Variants in DPP10 observed in about 807,000 individuals in gnomAD.
DPP10 encodes the protein dipeptidyl peptidase like 10, also known as inactive dipeptidyl peptidase 10.
Under a neutral mutation model 120.9 loss-of-function variants are expected in DPP10, and 33 were observed. The observed-to-expected ratio is 0.27, with a 90% CI of 0.21 to 0.37. The LOEUF (loss-of-function observed/expected upper bound fraction) is 0.37. DPP10 is among the 10% of genes least tolerant of loss of function. DPP10 has a pLI of 1.00. For missense variants in DPP10, 816 were observed against 942.8 expected, an observed-to-expected ratio of 0.87 and a Z score of 1.76; for synonymous variants, 337 against 326.1, an observed-to-expected ratio of 1.03 and a Z score of -0.36.
chr2:114,497,326 T>TGTATACATGTACATGTATACGC (rs1558814249), intron 1 of DPP10, among the ~76,000 whole-genome samples: 3 of 21,746 alleles, frequency 1.4e-4, no homozygotes, highest in Non-Finnish European at 4.0e-4. Context: ...CATGTATACG[T>TGTATACATGTACATGTATACGC]GTATACATGT....
chr2:115,125,305 T>A (rs1172456230), intron 1 of DPP10, among the ~76,000 whole-genome samples: 2 of 152,176 alleles, frequency 1.3e-5, no homozygotes, highest in African/African-American at 4.8e-5. Flanking sequence ...TGTATATTTT[T>A]AAAGATTTCT....
chr2:115,026,790 G>C (rs1392995335), intron 1 of DPP10, among the ~76,000 whole-genome samples: 1 of 152,108 alleles, frequency 6.6e-6, no homozygotes, highest in Non-Finnish European at 1.5e-5. Flanking sequence ...TCCCACCTCT[G>C]CCTCCCAAAT....
At chr2:115,786,449 A>AT (rs1023967042) in intron 17 of DPP10, among the ~76,000 whole-genome samples, 2 of 151,672 alleles carry the variant, frequency 1.3e-5, no homozygotes, top group East Asian at 1.9e-4. Flanking sequence ...ATTTTATTTT[A>AT]TTTTTTTTCT....
intron 2 of DPP10, among the ~76,000 whole-genome samples, chr2:115,322,743 G>C (rs1045716156): frequency 1.3e-5 from 2 of 152,106 alleles, no homozygotes; most frequent in Admixed American, 6.5e-5. Flanking sequence ...TTCCAATAAA[G>C]CAAATCATAC....
Position 114,516,344 on chromosome 2 carries a change from C to CT in DPP10, c.60+73512dup, listed in dbSNP as rs1404487441. Among the ~76,000 whole-genome samples the CT allele has an allele frequency of 7.9e-5, 12 of 152,280 alleles. No individual in the cohort carries two copies. The East Asian group carries it at 1.5e-3, about 20-fold the overall frequency. ...AGTCAGAGAGTAAGATTCATTAAGG[C>CT]TTTTTTCCATCCCCCTGCAAAGTCC... is the stretch of plus-strand genomic sequence containing the variant. On this transcript the variant is annotated intron_variant, in intron 1 of 25. Coordinates refer to ENST00000410059, the MANE Select transcript of DPP10 (RefSeq NM_020868.6).
chr2:114,857,528 G>A (rs1689467010), intron 1 of DPP10, among the ~76,000 whole-genome samples: 1 of 152,104 alleles, frequency 6.6e-6, no homozygotes, highest in Non-Finnish European at 1.5e-5. Flanking sequence ...TTCCCTTTGT[G>A]GATGTTGGCT....
chr2:115,536,548 A>T (rs2078856010), intron 5 of DPP10, among the ~76,000 whole-genome samples: 1 of 152,018 alleles, frequency 6.6e-6, no homozygotes, highest in African/African-American at 2.4e-5. Flanking sequence ...TTTTACATTA[A>T]TTAGTGTTCT....
intron 11 of DPP10, among the ~76,000 whole-genome samples, chr2:115,756,913 G>T (rs573698023): frequency 6.6e-6 from 1 of 152,166 alleles, no homozygotes; most frequent in South Asian, 2.1e-4. Context: ...GGCTGAACTC[G>T]TCCTTTTATA....
intron 1 of DPP10, among the ~76,000 whole-genome samples, chr2:114,861,109 C>T (rs1265788519): frequency 6.6e-6 from 1 of 152,116 alleles, no homozygotes; most frequent in Non-Finnish European, 1.5e-5. Context: ...TACTGTATTA[C>T]AAAACAAAAA....
chr2:114,947,024 T>G (rs998095792), intron 1 of DPP10, among the ~76,000 whole-genome samples: 5 of 152,178 alleles, frequency 3.3e-5, no homozygotes, highest in Admixed American at 1.3e-4. Context: ...TAAGTGGTAC[T>G]TTCAAGAAAT....
Position 115,617,289 on chromosome 2 carries a change from T to TATATATATATATATACAC in DPP10, c.442-72397_442-72396insTATATATATATATACACA, listed in dbSNP as rs67359999. ...TATATTTTTTATATATATATATATA[T>TATATATATATATATACAC]ACACACATAGCATATATGTATATGC... On this transcript the variant is annotated intron_variant, in intron 5 of 25. Transcript: ENST00000410059. Among the ~76,000 whole-genome samples the TATATATATATATATACAC allele has an allele frequency of 2.9e-5, 4 of 136,530 alleles. No homozygotes were observed. The South Asian group carries it at 7.1e-4, about 24-fold the overall frequency. The allele number at this position is 136,530 out of a possible 152,430, so 89.6% of individuals were successfully genotyped here.
At chr2:114,538,918 C>T (rs1686729183) in intron 1 of DPP10, among the ~76,000 whole-genome samples, 1 of 152,086 alleles carries the variant, frequency 6.6e-6, no homozygotes, top group East Asian at 1.9e-4. Flanking sequence ...CGCTTTTTCT[C>T]ATAGCCCCTT....
intron 21 of DPP10, among the ~76,000 whole-genome samples, chr2:115,816,387 G>A (rs1687229175): frequency 6.6e-6 from 1 of 152,102 alleles, no homozygotes. Context: ...ATCTCTTGAA[G>A]CAGAATATTC....
chr2:115,790,991 G>T lies in DPP10; in HGVS notation c.1532-90G>T, dbSNP rs1007762638. On this transcript the variant is annotated intron_variant, in intron 17 of 25. Coordinates refer to ENST00000410059, the MANE Select transcript of DPP10 (RefSeq NM_020868.6). The stretch of plus-strand genomic sequence containing the variant: ...TTAATCAGCACAGTGCCTGCCAAAT[G>T]GTAACAAGTGGATAATTTTTTGTTG... The T allele has an allele frequency of 4.7e-6, 4 of 848,752 alleles. No homozygotes were observed. In the African/African-American group the frequency reaches 5.2e-5, roughly 11 times the overall value. The allele number at this position is 848,752 out of a possible 1,614,324, so 52.6% of individuals were successfully genotyped here.
intron 1 of DPP10, among the ~76,000 whole-genome samples, chr2:114,731,547 C>G (rs1676915190): frequency 6.6e-6 from 1 of 152,034 alleles, no homozygotes; most frequent in South Asian, 2.1e-4. Flanking sequence ...CAACGTGTGA[C>G]CAGATATCCC....
intron 1 of DPP10, among the ~76,000 whole-genome samples, chr2:114,568,807 C>T (rs1388123103): frequency 2.6e-5 from 4 of 152,164 alleles, no homozygotes; most frequent in Non-Finnish European, 5.9e-5. Flanking sequence ...GTTCATTTGC[C>T]TTCTGCATTC....
At chr2:115,616,536 A>G (rs1016360942) in intron 5 of DPP10, among the ~76,000 whole-genome samples, 1 of 151,682 alleles carries the variant, frequency 6.6e-6, no homozygotes, top group Non-Finnish European at 1.5e-5. Flanking sequence ...GCCAGCAGTT[A>G]GTTATTCATC....
intron 1 of DPP10, among the ~76,000 whole-genome samples, chr2:115,226,881 A>G (rs1574078159): frequency 6.6e-6 from 1 of 152,264 alleles, no homozygotes; most frequent in East Asian, 1.9e-4. Context: ...GTAATAAATG[A>G]AGATTTCCAT....
At chr2:115,023,475 G>GA (rs967197683) in intron 1 of DPP10, among the ~76,000 whole-genome samples, 1 of 151,642 alleles carries the variant, frequency 6.6e-6, no homozygotes, top group African/African-American at 2.4e-5. Flanking sequence ...TGGTCATAAT[G>GA]AAAAAAATCA....
Sources: allele counts gnomAD v4.1 joint callset (sites outside exome capture counted in the v4.1 genomes callset), GRCh38; gene constraint gnomAD v4.1.1; transcripts MANE v1.5; gene names NCBI Gene and HGNC (gene_info 2026-07-23, HGNC 2026-07-21).